The following ZNF267 variants were observed in gnomAD, a reference collection of about 807,000 sequenced individuals.
The protein encoded by ZNF267 is zinc finger protein 267.
In ZNF267, 61 loss-of-function variants were observed where a neutral mutation model predicts 71.6. The ratio of observed to expected loss-of-function variants is 0.85; its 90% confidence interval spans 0.69 to 1.05. The LOEUF (loss-of-function observed/expected upper bound fraction) is 1.05, where lower values mean the gene tolerates loss of function less well. Among genes scored for constraint, ZNF267 ranks in the 50% least tolerant of loss-of-function variants. ZNF267 has a pLI of 0.00. For missense variants in ZNF267, 852 were observed against 870.0 expected (o/e 0.98, Z 0.26); for synonymous variants, 288 against 293.2 (o/e 0.98, Z 0.18).
intron 3 of ZNF267, among the ~76,000 whole-genome samples, chr16:31,897,769 T>A (rs1023632613): frequency 6.6e-6 from 1 of 152,164 alleles, no homozygotes; most frequent in African/African-American, 2.4e-5. Flanking sequence ...TACATATTTG[T>A]AGACCTGCCA....
chr16:31,910,804 G>T (rs1402105169), intron 3 of ZNF267, among the ~76,000 whole-genome samples: 1 of 151,090 alleles, frequency 6.6e-6, no homozygotes, highest in Non-Finnish European at 1.5e-5. Context: ...TAGGTTATAT[G>T]ATTTTTTTCT....
intron 3 of ZNF267, among the ~76,000 whole-genome samples, chr16:31,900,456 T>G (rs1312697711): frequency 6.6e-6 from 1 of 152,192 alleles, no homozygotes; most frequent in Non-Finnish European, 1.5e-5. Context: ...TCTTTATTTT[T>G]TTTCCTGAAA....
intron 3 of ZNF267, chr16:31,894,799 C>G (rs1047430891): frequency 1.0e-5 from 5 of 499,824 alleles, no homozygotes; most frequent in Middle Eastern, 3.4e-4. Flanking sequence ...AGGAGCTGTT[C>G]CCTGCATACA....
At chr16:31,908,000 G>A (rs991881196) in intron 3 of ZNF267, among the ~76,000 whole-genome samples, 6 of 151,526 alleles carry the variant, frequency 4.0e-5, no homozygotes, top group Non-Finnish European at 7.4e-5. Flanking sequence ...CCAAGATAGC[G>A]CCACTGCACT....
intron 3 of ZNF267, among the ~76,000 whole-genome samples, chr16:31,907,094 G>A (rs1389205666): frequency 1.3e-5 from 2 of 152,140 alleles, no homozygotes; most frequent in South Asian, 2.1e-4. Flanking sequence ...GAGTGGCCTT[G>A]TATGTGCCAA....
chr16:31,916,308 C>A lies in ZNF267; in HGVS notation c.2059C>A (p.Pro687Thr). The A allele has an allele frequency of 6.2e-7, 1 of 1,614,054 alleles. No individual in the cohort carries two copies. The highest frequency in any genetic ancestry group is 8.5e-7 in the Non-Finnish European group (1 of 1,179,982). The change falls in exon 4 of 4, where the codon CCC becomes ACC. Residue 687 changes from proline to threonine, a missense_variant. Pro to Thr is a conservative substitution (Grantham distance 38). Transcript: ENST00000300870. Reference protein sequence around the residue: ...THRRRHTGERPYKCDECGKAF... With the variant: ...THRRRHTGERTYKCDECGKAF... ...TCGGAGAAGACATACTGGAGAGAGACCCTACAAATGTGATGAATGTGGTAA... is the reference window on the plus strand; with the variant it reads ...TCGGAGAAGACATACTGGAGAGAGAACCTACAAATGTGATGAATGTGGTAA...
intron 3 of ZNF267, among the ~76,000 whole-genome samples, chr16:31,906,213 A>G (rs750147111): frequency 2.6e-5 from 4 of 151,460 alleles, no homozygotes; most frequent in Admixed American, 6.6e-5. Context: ...TGCCTCCCAG[A>G]TAGGCTAGTC....
At chr16:31,883,184 A>G (rs1292108565) in intron 1 of ZNF267, among the ~76,000 whole-genome samples, 2 of 152,212 alleles carry the variant, frequency 1.3e-5, no homozygotes, top group African/African-American at 4.8e-5. Flanking sequence ...TCTAAAATAT[A>G]TAATAGCACA....
In ZNF267 at chr16:31,914,991, G is replaced by T. The variant is rs1170422080; in HGVS notation, c.742G>T (p.Glu248Ter). 1 of 1,608,706 alleles carries T rather than the reference G, an allele frequency of 6.2e-7. No homozygotes were observed. The highest frequency in any genetic ancestry group is 8.5e-7 in the Non-Finnish European group (1 of 1,178,626). The change falls in exon 4 of 4, where the codon GAA becomes TAA. Residue 248 changes from glutamate to a stop codon, truncating the protein, a stop_gained. Coordinates refer to ENST00000300870, the MANE Select transcript of ZNF267 (RefSeq NM_003414.6). LOFTEE classifies it high-confidence loss of function. ...TCTAGAAAAACAATACAAATGTAAA[G>T]AATTTGAGGAAGTCTTTCTTCAGAG... is the stretch of plus-strand genomic sequence containing the variant. ...YFLEKQYKCKEFEEVFLQSMH... is the reference protein window; with the variant it reads ...YFLEKQYKCK
intron 3 of ZNF267, among the ~76,000 whole-genome samples, chr16:31,899,779 T>G (rs1288873074): frequency 6.6e-6 from 1 of 152,208 alleles, no homozygotes; most frequent in Non-Finnish European, 1.5e-5. Context: ...TTATACAGAT[T>G]GCATAATGCC....
intron 3 of ZNF267, among the ~76,000 whole-genome samples, chr16:31,886,248 G>T (rs1321704457): frequency 6.6e-6 from 1 of 152,202 alleles, no homozygotes; most frequent in African/African-American, 2.4e-5. Context: ...CAATTTTTGT[G>T]TGTGTGGTGA....
At chr16:31,877,201 AC>A (rs1246132508) in intron 1 of ZNF267, among the ~76,000 whole-genome samples, 9 of 151,658 alleles carry the variant, frequency 5.9e-5, no homozygotes, top group African/African-American at 1.7e-4. Context: ...CAAATCTACC[AC>A]TGTGTTCCCC....
At chr16:31,903,034 A>G (rs1328788358) in intron 3 of ZNF267, among the ~76,000 whole-genome samples, 1 of 152,172 alleles carries the variant, frequency 6.6e-6, no homozygotes, top group Non-Finnish European at 1.5e-5. Flanking sequence ...TTCTGCATCT[A>G]TTGAGATAAT....
rs551515821 is a variant in ZNF267 at position 31,901,270 on chromosome 16, T to A, written c.227-13206T>A. 1.0e-3 allele frequency among the ~76,000 whole-genome samples: 159 copies of A among 152,268 alleles called. 2 individuals are homozygous for A. Among genetic ancestry groups the A allele is most frequent in the Non-Finnish European group, 3.4e-4 (23 of 68,016 alleles). On this transcript the variant is annotated intron_variant, in intron 3 of 3. Transcript: ENST00000300870. ...CTGCCACAATAAACATACATGTGCA[T>A]GTGTCTTTAGAGCAGCATGATTTAT...
At chr16:31,893,300 C>A (rs1433999094) in intron 3 of ZNF267, among the ~76,000 whole-genome samples, 1 of 152,234 alleles carries the variant, frequency 6.6e-6, no homozygotes, top group African/African-American at 2.4e-5. Context: ...AGCATGGGGA[C>A]CCTGGGCCTG....
chr16:31,910,107 C>A (rs1335305813), intron 3 of ZNF267, among the ~76,000 whole-genome samples: 1 of 152,112 alleles, frequency 6.6e-6, no homozygotes, highest in East Asian at 1.9e-4. Flanking sequence ...TGGGATAAAT[C>A]CCACTTTGTC....
rs201597150 is a variant in ZNF267, at chr16:31,915,471, T to C, written c.1222T>C (p.Tyr408His). 7.4e-5 allele frequency: 120 copies of C among 1,613,892 alleles called. No individual in the cohort carries two copies. Among genetic ancestry groups the C allele is most frequent in the Middle Eastern group, 1.7e-4 (1 of 6,058 alleles). The change falls in exon 4 of 4, where the codon TAC becomes CAC. Residue 408 changes from tyrosine (Y) to histidine (H), a missense_variant. Coordinates refer to ENST00000300870, the MANE Select transcript of ZNF267 (RefSeq NM_003414.6). ...GAGAATTCACACTGGAGAGAAACCA[T>C]ACAAATGTAAAGAATGTGGCAAAGC... ...HQRIHTGEKPYKCKECGKAFR... is the reference protein window; with the variant it reads ...HQRIHTGEKPHKCKECGKAFR...
In ZNF267 at chr16:31,915,675, T is replaced by C. The variant is rs1336687835; in HGVS notation, c.1426T>C (p.Ser476Pro). 2 of 1,613,706 alleles carry C rather than the reference T, an allele frequency of 1.2e-6. No individual in the cohort carries two copies. Among genetic ancestry groups the C allele is most frequent in the Admixed American group, 3.3e-5 (2 of 59,988 alleles). The change falls in exon 4 of 4, where the codon TCT (serine) becomes CCT (proline). Residue 476 changes from serine (S) to proline (P), a missense_variant. Coordinates refer to ENST00000300870, the MANE Select transcript of ZNF267 (RefSeq NM_003414.6). ...CKVCSKSYARSSNLIMHQRVH... is the reference protein window; with the variant it reads ...CKVCSKSYARPSNLIMHQRVH... Reference sequence around the variant, plus strand: ...AGTATGTAGCAAATCTTATGCTCGTTCTTCAAATCTTATTATGCATCAGAG... The same window carrying C: ...AGTATGTAGCAAATCTTATGCTCGTCCTTCAAATCTTATTATGCATCAGAG...
chr16:31,898,303 T>C (rs1456441562), intron 3 of ZNF267, among the ~76,000 whole-genome samples: 1 of 152,156 alleles, frequency 6.6e-6, no homozygotes, highest in African/African-American at 2.4e-5. Flanking sequence ...TTAATTTCTT[T>C]TTTCCATGCT....
Sources: gnomAD v4.1 joint callset for allele counts (sites outside exome capture counted in the v4.1 genomes callset) on GRCh38, gnomAD v4.1.1 for gene constraint, MANE v1.5 for transcripts, NCBI Gene and HGNC (gene_info 2026-07-23, HGNC 2026-07-21) for gene names.